DIAPH2: variants seen among roughly 807,000 people sequenced by gnomAD.
DIAPH2 encodes the protein diaphanous related formin 2.
DIAPH2 carries 35 observed loss-of-function variants against 92.7 expected under a neutral mutation model. The ratio of observed to expected loss-of-function variants is 0.38; its 90% CI spans 0.29 to 0.50. DIAPH2 has a LOEUF of 0.50. Among genes scored for constraint, DIAPH2 ranks in the 20% least tolerant of loss-of-function variants. The probability of loss-of-function intolerance (pLI) is 0.94; values close to 1 mark genes in which losing one functional copy is unlikely to be tolerated. For synonymous variants in DIAPH2, 301 were observed against 280.4 expected (o/e 1.07, Z -0.73); for missense variants, 701 against 819.5 (o/e 0.86, Z 1.77).
chrX:96,986,354 A>C (rs2066031834), intron 17 of DIAPH2, among the ~76,000 whole-genome samples: 1 of 111,946 alleles, frequency 8.9e-6, no homozygotes, highest in Non-Finnish European at 1.9e-5. Context: ...GTGCATGTAT[A>C]TTAATTGTTG....
chrX:97,129,165 C>CTTTTCTTTTCTTTTCT (rs751043593), intron 21 of DIAPH2, among the ~76,000 whole-genome samples: 2 of 68,912 alleles, frequency 2.9e-5, no homozygotes, highest in African/African-American at 1.4e-4. Flanking sequence ...CTTTTCTTTT[C>CTTTTCTTTTCTTTTCT]TTTCTTTTCT....
At chrX:97,412,396 T>A (rs1431816461) in intron 25 of DIAPH2, among the ~76,000 whole-genome samples, 1 of 111,860 alleles carries the variant, frequency 8.9e-6, no homozygotes, top group Non-Finnish European at 1.9e-5. Flanking sequence ...TGGGACACAT[T>A]TAAAGCAGCA....
Position 96,881,647 on chromosome X carries a change from G to A in DIAPH2, c.516G>A (p.Ser172=). 1.7e-6 allele frequency: 2 copies of A among 1,206,608 alleles called. No homozygotes were observed. Among genetic ancestry groups the A allele is most frequent in the South Asian group, 1.8e-5 (1 of 56,331 alleles). The change falls in exon 5 of 27, where the codon TCG becomes TCA. Residue 172 remains serine, a synonymous_variant. Coordinates refer to ENST00000324765, the MANE Select transcript of DIAPH2 (RefSeq NM_006729.5). ...AAGAATATGTTCATGAATTACGATC[G>A]GGTATATCAGATGAGAAACTTCTTA... The part of the protein sequence containing the change: ...SSQEYVHELR[S]GISDEKLLNC...
chrX:96,833,965 G>T (rs187683771), intron 4 of DIAPH2, among the ~76,000 whole-genome samples: 1 of 110,826 alleles, frequency 9.0e-6, no homozygotes, highest in Non-Finnish European at 1.9e-5. Flanking sequence ...CCCGGCCAGG[G>T]GTTTATTAAC....
intron 26 of DIAPH2, among the ~76,000 whole-genome samples, chrX:97,561,409 T>C (rs1448305156): frequency 1.8e-5 from 2 of 112,357 alleles, no homozygotes; most frequent in South Asian, 3.7e-4. Flanking sequence ...CTGCCTGTGA[T>C]GTGTTTTCAG....
At chrX:96,975,213 A>G (rs1195733813) in intron 17 of DIAPH2, among the ~76,000 whole-genome samples, 1 of 111,583 alleles carries the variant, frequency 9.0e-6, no homozygotes, top group African/African-American at 3.3e-5. Flanking sequence ...TTTCTTTAGG[A>G]TCATATTTTA....
chrX:97,365,261 A>G (rs972622334), intron 24 of DIAPH2, among the ~76,000 whole-genome samples: 2 of 111,524 alleles, frequency 1.8e-5, no homozygotes, highest in Admixed American at 1.9e-4. Flanking sequence ...CCCAAGTTTC[A>G]GTGTTTGTCC....
chrX:97,302,978 T>A (rs1283799556), intron 23 of DIAPH2, among the ~76,000 whole-genome samples: 1 of 112,573 alleles, frequency 8.9e-6, no homozygotes, highest in East Asian at 2.8e-4. Context: ...AGTGAGACTC[T>A]GTCTCCAAAA....
chrX:97,030,694 A>C (rs2147878224), intron 17 of DIAPH2, among the ~76,000 whole-genome samples: 1 of 111,733 alleles, frequency 8.9e-6, no homozygotes, highest in East Asian at 2.8e-4. Context: ...AAATCACCTT[A>C]TTCAATTTTG....
At chrX:97,144,079 A>G (rs968285992) in intron 22 of DIAPH2, among the ~76,000 whole-genome samples, 9 of 111,560 alleles carry the variant, frequency 8.1e-5, no homozygotes, top group African/African-American at 2.6e-4. Flanking sequence ...GCCTGGTGCA[A>G]TGGCTCACAC....
intron 17 of DIAPH2, among the ~76,000 whole-genome samples, chrX:97,056,688 A>G (rs1320955671): frequency 8.9e-6 from 1 of 111,923 alleles, no homozygotes; most frequent in Non-Finnish European, 1.9e-5. Flanking sequence ...TTCTTTGTAT[A>G]TCTCACTCTA....
At chrX:96,884,246 A>C (rs1362272238) in intron 5 of DIAPH2, 24 of 1,038,289 alleles carry the variant, frequency 2.3e-5, no homozygotes, top group Non-Finnish European at 2.6e-6. Context: ...GGAGAACTCA[A>C]AGCCGTCCGT....
intron 1 of DIAPH2, among the ~76,000 whole-genome samples, chrX:96,714,674 G>A (rs942133324): frequency 7.2e-4 from 81 of 112,378 alleles, no homozygotes; most frequent in African/African-American, 2.4e-3. Context: ...TTAGCCTGGT[G>A]TCTGGCATTT....
intron 25 of DIAPH2, among the ~76,000 whole-genome samples, chrX:97,389,800 G>C (rs1464402484): frequency 9.1e-6 from 1 of 110,299 alleles, no homozygotes; most frequent in African/African-American, 3.3e-5. Context: ...GTTCTGGGCT[G>C]GGATGTTTAA....
At chrX:96,862,245 G>A (rs912953646) in intron 4 of DIAPH2, among the ~76,000 whole-genome samples, 2 of 111,849 alleles carry the variant, frequency 1.8e-5, no homozygotes, top group African/African-American at 6.5e-5. Context: ...TTGGGCCTGT[G>A]TTGTCAACTA....
intron 26 of DIAPH2, among the ~76,000 whole-genome samples, chrX:97,572,983 A>G (rs997092590): frequency 6.3e-5 from 7 of 111,939 alleles, no homozygotes; most frequent in Non-Finnish European, 1.1e-4. Flanking sequence ...CTTCTAACAT[A>G]TCTTCGTAGT....
At chrX:97,052,113 C>T (rs1257639281) in intron 17 of DIAPH2, among the ~76,000 whole-genome samples, 1 of 111,123 alleles carries the variant, frequency 9.0e-6, no homozygotes, top group Non-Finnish European at 1.9e-5. Context: ...CTATACCAAA[C>T]ATGAAAGTCC....
chrX:97,240,605 C>CAAAAAAAAAAAAAAAAAAAA lies in DIAPH2; in HGVS notation c.2720-7095_2720-7094insAAAAAAAAAAAAAAAAAAAA, dbSNP rs774748522. On this transcript the variant is annotated intron_variant, in intron 22 of 26. Transcript: ENST00000324765. The stretch of plus-strand genomic sequence containing the variant: ...TGGGCAACAGAGCAAGACTGCATCT[C>CAAAAAAAAAAAAAAAAAAAA]AAAAAAAAAAAAAAAGACCAATATT... 2.9e-5 allele frequency among the ~76,000 whole-genome samples: 2 copies of CAAAAAAAAAAAAAAAAAAAA among 67,958 alleles called. 1 individual carries two copies. Among genetic ancestry groups the CAAAAAAAAAAAAAAAAAAAA allele is most frequent in the African/African-American group, 1.2e-4 (2 of 17,323 alleles). 59.0% of individuals were successfully genotyped at this position (67,958 alleles called of 115,157 possible).
chrX:97,263,556 G>GTTAT (rs201397413), intron 23 of DIAPH2, among the ~76,000 whole-genome samples: 3,901 of 97,997 alleles, frequency 0.04, 94 homozygotes, highest in South Asian at 0.061. Context: ...TGTTCCAACT[G>GTTAT]TTATTTATTT....
Sources: gnomAD v4.1 joint callset for allele counts (sites outside exome capture counted in the v4.1 genomes callset) on GRCh38, gnomAD v4.1.1 for gene constraint, MANE v1.5 for transcripts, NCBI Gene and HGNC (gene_info 2026-07-23, HGNC 2026-07-21) for gene names.